Variants in KIF6 observed in about 807,000 individuals in gnomAD.
The protein encoded by KIF6 is kinesin-like protein KIF6.
In KIF6, 106 loss-of-function variants were observed where a neutral mutation model predicts 112.7. The observed-to-expected ratio is 0.94, with a 90% confidence interval of 0.80 to 1.11. KIF6 has a LOEUF of 1.11. KIF6 is among the 50% of genes least tolerant of loss of function. The pLI is 0.00. For missense variants in KIF6, 929 were observed against 964.0 expected (o/e 0.96, Z 0.48); for synonymous variants, 339 against 339.9 (o/e 1.00, Z 0.03).
intron 13 of KIF6, among the ~76,000 whole-genome samples, chr6:39,493,982 G>A (rs1775629217): frequency 6.6e-6 from 1 of 152,116 alleles, no homozygotes; most frequent in African/African-American, 2.4e-5. Context: ...ACTCCCTACA[G>A]GAGGAATATT....
chr6:39,408,233 C>T (rs1249306299), intron 15 of KIF6, among the ~76,000 whole-genome samples: 1 of 152,148 alleles, frequency 6.6e-6, no homozygotes, highest in Non-Finnish European at 1.5e-5. Flanking sequence ...CATGTACAAG[C>T]AAGGATGCAG....
At chr6:39,702,515 C>A (rs1018691617) in intron 3 of KIF6, among the ~76,000 whole-genome samples, 2 of 152,146 alleles carry the variant, frequency 1.3e-5, no homozygotes, top group African/African-American at 4.8e-5. Context: ...TGGATGCTTG[C>A]CCAATATGTC....
chr6:39,720,337 G>C (rs1447316139), intron 2 of KIF6, among the ~76,000 whole-genome samples: 1 of 152,010 alleles, frequency 6.6e-6, no homozygotes, highest in Non-Finnish European at 1.5e-5. Flanking sequence ...TATAAAGAAG[G>C]CTTACCTATG....
intron 3 of KIF6, among the ~76,000 whole-genome samples, chr6:39,671,952 T>C (rs1786841929): frequency 6.6e-6 from 1 of 152,208 alleles, no homozygotes. Context: ...TCAGTGAGTG[T>C]CAGTGTGTGA....
intron 13 of KIF6, among the ~76,000 whole-genome samples, chr6:39,482,411 C>T (rs1357307695): frequency 1.3e-5 from 2 of 152,262 alleles, no homozygotes; most frequent in East Asian, 3.9e-4. Context: ...TATCTGTTCC[C>T]AGTCCCTTTA....
At chr6:39,559,161 AC>A (rs1394396037) in intron 10 of KIF6, among the ~76,000 whole-genome samples, 2 of 152,166 alleles carry the variant, frequency 1.3e-5, no homozygotes, top group African/African-American at 4.8e-5. Flanking sequence ...GCCATTAATG[AC>A]CTCTGGGATA....
intron 13 of KIF6, among the ~76,000 whole-genome samples, chr6:39,444,288 C>T (rs180960707): frequency 2.0e-5 from 3 of 152,164 alleles, no homozygotes; most frequent in Admixed American, 6.5e-5. Flanking sequence ...GCACAGGCCA[C>T]CCCGGCTTTA....
intron 3 of KIF6, among the ~76,000 whole-genome samples, chr6:39,648,096 T>G (rs1317732430): frequency 6.7e-6 from 1 of 150,342 alleles, no homozygotes; most frequent in African/African-American, 2.5e-5. Context: ...TGATCTTGGC[T>G]CACTGCAAAC....
At chr6:39,705,620 A>G (rs570362618) in intron 3 of KIF6, among the ~76,000 whole-genome samples, 1 of 152,200 alleles carries the variant, frequency 6.6e-6, no homozygotes, top group African/African-American at 2.4e-5. Flanking sequence ...CCTTGCCTCC[A>G]TGAAGTTTAA....
intron 13 of KIF6, among the ~76,000 whole-genome samples, chr6:39,501,126 C>T (rs1776109111): frequency 6.6e-6 from 1 of 152,016 alleles, no homozygotes; most frequent in Non-Finnish European, 1.5e-5. Context: ...CAACACAGAG[C>T]CAAGGGAATT....
chr6:39,575,584 T>C (rs1780920388), intron 10 of KIF6, among the ~76,000 whole-genome samples: 1 of 152,142 alleles, frequency 6.6e-6, no homozygotes, highest in South Asian at 2.1e-4. Flanking sequence ...CCTCTTATTT[T>C]TCGTGAGAAT....
chr6:39,458,004 C>T (rs1458030394), intron 13 of KIF6, among the ~76,000 whole-genome samples: 1 of 151,582 alleles, frequency 6.6e-6, no homozygotes, highest in Admixed American at 6.6e-5. Context: ...AGAGGAAATC[C>T]TCCCTAACTC....
intron 13 of KIF6, among the ~76,000 whole-genome samples, chr6:39,431,885 C>T (rs939671112): frequency 9.9e-5 from 15 of 152,110 alleles, no homozygotes; most frequent in African/African-American, 3.4e-4. Context: ...TGAGGGTCAG[C>T]GCAGATGTAT....
At chr6:39,461,483 GAAATT>G (rs1773470626) in intron 13 of KIF6, among the ~76,000 whole-genome samples, 1 of 151,974 alleles carries the variant, frequency 6.6e-6, no homozygotes, top group Non-Finnish European at 1.5e-5. Context: ...ATTTTTACTA[GAAATT>G]AATAGCTTTA....
At chr6:39,544,477 T>A (rs746694201) in intron 12 of KIF6, 78 bp downstream of exon 12, 1 of 1,453,730 alleles carries the variant, frequency 6.9e-7, no homozygotes, top group Admixed American at 2.5e-5. Context: ...AGCTCAGCCA[T>A]GTGGCTCAGG....
rs142407346 is a variant in KIF6, at chr6:39,540,120, G to A, written c.1528C>T (p.Pro510Ser). The A allele has an allele frequency of 3.2e-4, 521 of 1,614,124 alleles. 1 individual carries two copies. Among genetic ancestry groups the A allele is most frequent in the Middle Eastern group, 3.0e-3 (18 of 6,062 alleles). ...RREFRQSQSP[P>S]FRLGNPEEGQ... ...TCTTCTGGGTTTCCTAGGCGGAAGG[G>A]TGGGCTCTGGGACTGTCTGAATTCA... The change falls in exon 13 of 23, where the codon CCC becomes TCC. Residue 510 changes from proline to serine, a missense_variant. Physicochemically the swap from Pro to Ser is moderately conservative, Grantham distance 74. Transcript: ENST00000287152.
At chr6:39,507,702 T>TC in intron 13 of KIF6, among the ~76,000 whole-genome samples, 1 of 110,582 alleles carries the variant, frequency 9.0e-6, no homozygotes, top group African/African-American at 3.7e-5. Flanking sequence ...CTTCCTTCCT[T>TC]CCTCCCTCCC....
chr6:39,411,828 T>C (rs1243663679), intron 15 of KIF6, among the ~76,000 whole-genome samples: 1 of 152,236 alleles, frequency 6.6e-6, no homozygotes, highest in Non-Finnish European at 1.5e-5. Flanking sequence ...GGCTCACTTA[T>C]CAGCCTTTCA....
intron 13 of KIF6, among the ~76,000 whole-genome samples, chr6:39,474,489 G>A (rs1225406969): frequency 6.6e-6 from 1 of 152,244 alleles, no homozygotes; most frequent in Non-Finnish European, 1.5e-5. Context: ...CATAGTAAGT[G>A]TTCAATAAAT....
Sources: gnomAD v4.1 joint callset for allele counts (sites outside exome capture counted in the v4.1 genomes callset) on GRCh38, gnomAD v4.1.1 for gene constraint, MANE v1.5 for transcripts, NCBI Gene and HGNC (gene_info 2026-07-23, HGNC 2026-07-21) for gene names.